HMCN1: variants seen among roughly 807,000 people sequenced by gnomAD.
HMCN1 encodes the protein hemicentin 1.
Under a neutral mutation model 625.9 loss-of-function variants are expected in HMCN1, and 321 were observed. The observed-to-expected ratio is 0.51, with a 90% confidence interval of 0.47 to 0.56. The LOEUF (loss-of-function observed/expected upper bound fraction) is 0.56, where lower values mean the gene tolerates loss of function less well. Ranked by LOEUF, HMCN1 falls within the 20% of genes least tolerant of loss-of-function variation. The pLI is 0.00. For missense variants in HMCN1, 6,588 were observed against 6,887.3 expected (o/e 0.96, Z 1.54); for synonymous variants, 2,425 against 2,417.6 (o/e 1.00, Z -0.09).
chr1:185,872,346 C>T (rs1663670099), intron 4 of HMCN1, among the ~76,000 whole-genome samples: 3 of 152,044 alleles, frequency 2.0e-5, no homozygotes, highest in African/African-American at 7.2e-5. Context: ...CTTTTCACTT[C>T]CAGGCACCTG....
At position 186,189,559 on chromosome 1, in the gene HMCN1, G is replaced by A. The variant is rs755194738; in HGVS notation, c.16589G>A (p.Ser5530Asn). 2 of 1,613,658 alleles carry A rather than the reference G, an allele frequency of 1.2e-6. No individual in the cohort carries two copies. The highest frequency in any genetic ancestry group is 4.5e-5 in the East Asian group (2 of 44,880). ...CPPNDLECAL[S>N]PYALEYKLVS... is the part of the protein sequence containing the mutation. ...CCCAATGATTTGGAATGTGCCTTGA[G>A]CCCATATGCCTTGGAATACAAACTC... The change falls in exon 107 of 107, where the codon AGC becomes AAC. Residue 5530 changes from serine to asparagine, a missense_variant. Physicochemically the swap from Ser to Asn is conservative, Grantham distance 46 (BLOSUM62 1). Transcript: ENST00000271588.
At chr1:185,868,572 A>G (rs1203736528) in intron 4 of HMCN1, among the ~76,000 whole-genome samples, 2 of 151,378 alleles carry the variant, frequency 1.3e-5, no homozygotes, top group Non-Finnish European at 2.9e-5. Flanking sequence ...GGATGTGTTC[A>G]CTCCCCCTTC....
At chr1:185,769,582 G>T (rs1051484222) in intron 1 of HMCN1, among the ~76,000 whole-genome samples, 1 of 152,102 alleles carries the variant, frequency 6.6e-6, no homozygotes, top group East Asian at 1.9e-4. Context: ...AATGTATATG[G>T]GCAACTATAT....
At chr1:186,177,663 C>CT (rs964803394) in intron 103 of HMCN1, among the ~76,000 whole-genome samples, 1 of 152,080 alleles carries the variant, frequency 6.6e-6, no homozygotes, top group African/African-American at 2.4e-5. Flanking sequence ...AAAGTAGTTA[C>CT]TTTTTTAAAA....
At chr1:186,159,885 T>C (rs1266398828) in intron 97 of HMCN1, among the ~76,000 whole-genome samples, 1 of 152,178 alleles carries the variant, frequency 6.6e-6, no homozygotes, top group Non-Finnish European at 1.5e-5. Flanking sequence ...AAATGCTCTT[T>C]TTTGGTTGTG....
At chr1:186,175,892 G>GA (rs768255922) in intron 103 of HMCN1, among the ~76,000 whole-genome samples, 8,917 of 135,074 alleles carry the variant, frequency 0.066, 430 homozygotes, top group African/African-American at 0.11. Context: ...AAAAAAAAAA[G>GA]AAAGAAAAGA....
At chr1:186,111,133 A>G (rs992285305) in intron 71 of HMCN1, among the ~76,000 whole-genome samples, 60 of 149,764 alleles carry the variant, frequency 4.0e-4, no homozygotes, top group African/African-American at 1.1e-3. Context: ...GGCACCCACC[A>G]CCAGGCCCGG....
chr1:186,079,226 G>A (rs977189712), intron 55 of HMCN1, among the ~76,000 whole-genome samples: 7 of 152,076 alleles, frequency 4.6e-5, no homozygotes, highest in African/African-American at 7.2e-5. Flanking sequence ...CTCAGCAGCC[G>A]GCTCCCGTGC....
intron 6 of HMCN1, among the ~76,000 whole-genome samples, chr1:185,920,482 T>G (rs891282889): frequency 1.2e-4 from 19 of 152,312 alleles, no homozygotes; most frequent in Middle Eastern, 3.4e-3. Context: ...CTCTTCATAT[T>G]TCCTCAGAGA....
intron 104 of HMCN1, among the ~76,000 whole-genome samples, chr1:186,179,811 T>C (rs545170124): frequency 6.6e-6 from 1 of 152,282 alleles, no homozygotes; most frequent in South Asian, 2.1e-4. Flanking sequence ...GTTACTTCAT[T>C]ATTATCTTCT....
chr1:186,066,652 T>C (rs1658136462), intron 49 of HMCN1, among the ~76,000 whole-genome samples: 1 of 152,212 alleles, frequency 6.6e-6, no homozygotes, highest in Non-Finnish European at 1.5e-5. Context: ...TCCCTTTTTC[T>C]AGGTCCAGCA....
intron 1 of HMCN1, among the ~76,000 whole-genome samples, chr1:185,776,486 T>C (rs888610966): frequency 2.5e-4 from 38 of 150,302 alleles, no homozygotes; most frequent in African/African-American, 8.7e-4. Context: ...GTTCAGTCTT[T>C]AGTCAATGAA....
chr1:186,151,754 G>A lies in HMCN1; in HGVS notation c.14896+11G>A, dbSNP rs750561157. ...TGGAATTTGCAACTGGTTAGTGTCAGCTGAATTTAATATTCTATTACTATA... is the reference window on the plus strand; with the variant it reads ...TGGAATTTGCAACTGGTTAGTGTCAACTGAATTTAATATTCTATTACTATA... On this transcript the variant is annotated intron_variant, in intron 95 of 106. Transcript: ENST00000271588. 5 of 1,612,596 alleles carry A rather than the reference G, an allele frequency of 3.1e-6. No individual in the cohort carries two copies. The South Asian group carries it at 5.5e-5, about 18-fold the overall frequency.
At chr1:186,178,805 C>A in intron 104 of HMCN1, 39 bp downstream of exon 104, 1 of 1,326,522 alleles carries the variant, frequency 7.5e-7, no homozygotes, top group South Asian at 1.2e-5. Flanking sequence ...TCTGTGGGCT[C>A]TCTTACTGAT....
In HMCN1 at chr1:186,035,824, C is replaced by A. The variant is rs78036539; in HGVS notation, c.5750-2110C>A. Among the ~76,000 whole-genome samples the A allele has an allele frequency of 4.3e-4, 66 of 152,156 alleles. No individual in the cohort carries two copies. The East Asian group carries it at 0.012, about 27-fold the overall frequency. On this transcript the variant is annotated intron_variant, in intron 36 of 106. Coordinates refer to ENST00000271588, the MANE Select transcript of HMCN1 (RefSeq NM_031935.3). ...CTGTCATTTGAAAAACATATATATT[C>A]TTTGGTAATTACAAATCCCCAAACA...
chr1:185,761,433 G>T (rs993107831), intron 1 of HMCN1, among the ~76,000 whole-genome samples: 2 of 152,066 alleles, frequency 1.3e-5, no homozygotes, highest in African/African-American at 4.8e-5. Flanking sequence ...TCTTTAGTTT[G>T]TATGTGTCTA....
At chr1:185,769,200 C>A (rs529767367) in intron 1 of HMCN1, among the ~76,000 whole-genome samples, 1 of 152,228 alleles carries the variant, frequency 6.6e-6, no homozygotes, top group African/African-American at 2.4e-5. Flanking sequence ...GTAATCCCAG[C>A]ACTTCGGAAG....
At chr1:186,132,240 T>C in intron 85 of HMCN1, 88 bp from the exon 86 acceptor site, 1 of 908,026 alleles carries the variant, frequency 1.1e-6, no homozygotes, top group East Asian at 2.6e-5. Flanking sequence ...AAAAATGAAA[T>C]TTCAAATAAA....
At chr1:185,957,269 T>C (rs1313504652) in intron 11 of HMCN1, 1 of 152,190 alleles carries the variant, frequency 6.6e-6, no homozygotes, top group Non-Finnish European at 1.5e-5. Flanking sequence ...AAAGTATTGT[T>C]TATATTAATT....
Sources: allele counts gnomAD v4.1 joint callset (sites outside exome capture counted in the v4.1 genomes callset), GRCh38; gene constraint gnomAD v4.1.1; transcripts MANE v1.5; gene names NCBI Gene and HGNC (gene_info 2026-07-23, HGNC 2026-07-21).